The following CBX1 variants were observed in gnomAD, a reference collection of about 807,000 sequenced individuals.
CBX1 encodes the protein chromobox 1.
CBX1 carries 10 observed loss-of-function variants against 25.1 expected under a neutral mutation model. The ratio of observed to expected loss-of-function variants is 0.40; its 90% confidence interval spans 0.25 to 0.68. The LOEUF (loss-of-function observed/expected upper bound fraction) is 0.68. Among genes scored for constraint, CBX1 ranks in the 30% least tolerant of loss-of-function variants. CBX1 has a pLI of 0.40. For synonymous variants in CBX1, 63 were observed against 79.4 expected (o/e 0.79, Z 1.10); for missense variants, 106 against 218.5 (o/e 0.49, Z 3.25).
intron 1 of CBX1, among the ~76,000 whole-genome samples, chr17:48,095,352 G>C (rs750213214): frequency 2.1e-4 from 32 of 152,276 alleles, no homozygotes; most frequent in Non-Finnish European, 4.3e-4. Flanking sequence ...CACTTTGGGA[G>C]GCTGAGGCAG....
intron 1 of CBX1, among the ~76,000 whole-genome samples, chr17:48,081,482 A>C (rs1158508660): frequency 6.6e-6 from 1 of 152,204 alleles, no homozygotes; most frequent in African/African-American, 2.4e-5. Flanking sequence ...CTTGTCGCCC[A>C]GGCTGGAGTG....
At chr17:48,084,150 T>G (rs2037763664) in intron 1 of CBX1, among the ~76,000 whole-genome samples, 1 of 149,346 alleles carries the variant, frequency 6.7e-6, no homozygotes, top group South Asian at 2.1e-4. Flanking sequence ...TTTTTCAATT[T>G]TTTCTGGTGG....
intron 1 of CBX1, among the ~76,000 whole-genome samples, chr17:48,084,856 G>A (rs1030447212): frequency 2.0e-5 from 3 of 150,904 alleles, no homozygotes; most frequent in Non-Finnish European, 4.4e-5. Flanking sequence ...CTTGCAGTGA[G>A]CCGAGATCGC....
intron 1 of CBX1, among the ~76,000 whole-genome samples, chr17:48,078,439 G>A (rs1171709369): frequency 1.3e-5 from 2 of 151,938 alleles, no homozygotes; most frequent in African/African-American, 4.8e-5. Context: ...TGATCCGCCT[G>A]CCTCGGCCTC....
At chr17:48,089,166 T>C (rs2063329364) in intron 1 of CBX1, among the ~76,000 whole-genome samples, 1 of 148,426 alleles carries the variant, frequency 6.7e-6, no homozygotes, top group Admixed American at 6.8e-5. Flanking sequence ...AGTGGTGTGA[T>C]CTCGGCTCAC....
intron 1 of CBX1, among the ~76,000 whole-genome samples, chr17:48,084,734 C>T (rs2037771745): frequency 3.3e-5 from 5 of 149,386 alleles, no homozygotes; most frequent in Admixed American, 6.6e-5. Context: ...CATGGTGAAA[C>T]CCCGTCTCTA....
chr17:48,093,986 T>C (rs984190643), intron 1 of CBX1, among the ~76,000 whole-genome samples: 4 of 151,864 alleles, frequency 2.6e-5, no homozygotes, highest in Non-Finnish European at 4.4e-5. Flanking sequence ...TGGTGGCGCA[T>C]GCCTGTAATC....
chr17:48,090,849 G>A (rs1209809205), intron 1 of CBX1, among the ~76,000 whole-genome samples: 2 of 152,156 alleles, frequency 1.3e-5, no homozygotes, highest in Non-Finnish European at 2.9e-5. Context: ...CACCTATTAC[G>A]TGTAAGGTGC....
chr17:48,091,958 C>T (rs972154030), intron 1 of CBX1, among the ~76,000 whole-genome samples: 1 of 142,312 alleles, frequency 7.0e-6, no homozygotes, highest in Non-Finnish European at 1.5e-5. Context: ...AGGTTACAGG[C>T]GTGAGCCACC....
intron 1 of CBX1, among the ~76,000 whole-genome samples, chr17:48,097,353 A>G (rs6504031): frequency 0.73 from 111,007 of 151,820 alleles, 41,214 homozygotes; most frequent in Admixed American, 0.82. Context: ...AGTGGCTCAC[A>G]CCTGTAATCC....
Position 48,070,776 on chromosome 17 carries a change from C to T in CBX1, c.*659G>A, listed in dbSNP as rs1180639948. ...CAGCAATAAGTTTAGGCAGGGAACA[C>T]CTTGGCTTATAGGTTTCAGACTTTC... On this transcript the variant is annotated 3_prime_UTR_variant, in exon 5 of 5. Transcript: ENST00000225603. 1 of 152,604 alleles carries T rather than the reference C, an allele frequency of 6.6e-6. No homozygotes were observed. Among genetic ancestry groups the T allele is most frequent in the Non-Finnish European group, 1.5e-5 (1 of 68,042 alleles). 9.5% of individuals were successfully genotyped at this position (152,604 alleles called of 1,614,324 possible). A position where few individuals can be genotyped will look rare whatever the true frequency, so the allele number is the denominator to read the frequency against.
At chr17:48,093,843 G>A (rs550998458) in intron 1 of CBX1, among the ~76,000 whole-genome samples, 7 of 152,278 alleles carry the variant, frequency 4.6e-5, no homozygotes, top group African/African-American at 9.6e-5. Context: ...GCTTAGGCCC[G>A]GCATGGTGAC....
intron 1 of CBX1, among the ~76,000 whole-genome samples, chr17:48,093,081 A>G (rs1567769715): frequency 2.1e-5 from 2 of 97,280 alleles, no homozygotes; most frequent in East Asian, 4.4e-4. Flanking sequence ...AAAAAAAAAA[A>G]AAAAAAAAGA....
At chr17:48,091,947 C>G (rs908424239) in intron 1 of CBX1, among the ~76,000 whole-genome samples, 3 of 143,586 alleles carry the variant, frequency 2.1e-5, no homozygotes, top group African/African-American at 5.2e-5. Flanking sequence ...TCAAAGTACT[C>G]AGGTTACAGG....
chr17:48,095,968 C>T (rs908628121), intron 1 of CBX1: 4 of 152,318 alleles, frequency 2.6e-5, no homozygotes, highest in African/African-American at 9.7e-5. Flanking sequence ...GCAACCTCCG[C>T]CTCCCAGGTT....
intron 1 of CBX1, chr17:48,095,565 AGAG>A (rs1017608570): frequency 1.3e-5 from 2 of 152,294 alleles, no homozygotes; most frequent in African/African-American, 4.8e-5. Context: ...CTCAAAAAAA[AGAG>A]GATGACTGTC....
At chr17:48,087,698 C>G (rs928623935) in intron 1 of CBX1, among the ~76,000 whole-genome samples, 1 of 151,678 alleles carries the variant, frequency 6.6e-6, no homozygotes, top group African/African-American at 2.4e-5. Flanking sequence ...ATGGCAAAAC[C>G]CTGTCTCTAG....
intron 4 of CBX1, among the ~76,000 whole-genome samples, chr17:48,074,264 G>T (rs2037654053): frequency 6.6e-6 from 1 of 152,160 alleles, no homozygotes; most frequent in Non-Finnish European, 1.5e-5. Flanking sequence ...TTTCTAGAAT[G>T]CTGCCTTCAT....
chr17:48,093,077 AAAAAAAAAAAAAGAAAAG>A (rs2063352977), intron 1 of CBX1, among the ~76,000 whole-genome samples: 1 of 103,618 alleles, frequency 9.7e-6, no homozygotes, highest in Admixed American at 1.0e-4. Flanking sequence ...TCTCAAAAAA[AAAAAAAAAAAAAGAAAAG>A]AAAAGAAAAG....
Sources: allele counts gnomAD v4.1 joint callset (sites outside exome capture counted in the v4.1 genomes callset), GRCh38; gene constraint gnomAD v4.1.1; transcripts MANE v1.5; gene names NCBI Gene and HGNC (gene_info 2026-07-23, HGNC 2026-07-21).